Variants in FAM13A observed in about 807,000 individuals in gnomAD.
FAM13A encodes family with sequence similarity 13 member A.
Under a neutral mutation model 129.6 loss-of-function variants are expected in FAM13A, and 76 were observed. The observed-to-expected ratio is 0.59, with a 90% CI of 0.49 to 0.71. FAM13A has a LOEUF of 0.71. Among genes scored for constraint, FAM13A ranks in the 30% least tolerant of loss-of-function variants. The probability of loss-of-function intolerance (pLI) is 0.00; values close to 1 mark genes in which losing one functional copy is unlikely to be tolerated. For synonymous variants in FAM13A, 443 were observed against 449.9 expected (o/e 0.98, Z 0.20); for missense variants, 1,108 against 1,249.3 (o/e 0.89, Z 1.70).
chr4:88,935,471 G>C (rs1219982191), intron 5 of FAM13A, among the ~76,000 whole-genome samples: 3 of 151,986 alleles, frequency 2.0e-5, no homozygotes, highest in African/African-American at 7.2e-5. Context: ...TTATGTCCCT[G>C]TTACTCTTGG....
chr4:89,039,397 G>A (rs1234338486), intron 1 of FAM13A, among the ~76,000 whole-genome samples: 1 of 151,924 alleles, frequency 6.6e-6, no homozygotes, highest in East Asian at 1.9e-4. Context: ...ACACAAACAG[G>A]GAAACCTAAT....
intron 1 of FAM13A, 146 bp from the exon 2 acceptor site, chr4:89,029,795 A>T: frequency 1.4e-6 from 1 of 696,180 alleles, no homozygotes; most frequent in Non-Finnish European, 2.5e-6. Flanking sequence ...AAAATCTCTA[A>T]CATCTCTCAC....
intron 1 of FAM13A, among the ~76,000 whole-genome samples, chr4:89,039,770 G>A (rs371044860): frequency 2.0e-4 from 30 of 152,092 alleles, no homozygotes; most frequent in African/African-American, 7.0e-4. Context: ...GCAACAAAGT[G>A]AGATCCCATC....
At chr4:88,961,394 G>T (rs2148916139) in intron 4 of FAM13A, among the ~76,000 whole-genome samples, 1 of 66,740 alleles carries the variant, frequency 1.5e-5, no homozygotes, top group Non-Finnish European at 2.7e-5. Context: ...TTGAGACTGA[G>T]TCTTGCTCTG....
At chr4:88,837,430 C>A (rs973600053) in intron 7 of FAM13A, among the ~76,000 whole-genome samples, 2 of 151,424 alleles carry the variant, frequency 1.3e-5, no homozygotes, top group Admixed American at 1.3e-4. Context: ...ATATAGTCAG[C>A]CTTTGCCGGG....
intron 14 of FAM13A, 119 bp from the exon 15 acceptor site, chr4:88,750,756 T>C: frequency 1.4e-6 from 1 of 717,502 alleles, no homozygotes; most frequent in South Asian, 1.8e-5. Flanking sequence ...TTGAATCGTT[T>C]CTCATTTTAC....
rs143760825 is a variant in FAM13A at position 89,041,099 on chromosome 4, A to G, written c.28-11450T>C. ...TTAAAAGTGTTATGAGTGTGAGTAT[A>G]AGGGAGATAAAGAGAGGTGTTAATG... On this transcript the variant is annotated intron_variant, in intron 1 of 23. Transcript: ENST00000264344. 3.3e-5 allele frequency among the ~76,000 whole-genome samples: 5 copies of G among 152,322 alleles called. No homozygotes were observed. The East Asian group carries it at 9.7e-4, about 29-fold the overall frequency.
chr4:89,049,827 A>G (rs1426312194), intron 1 of FAM13A, among the ~76,000 whole-genome samples: 5 of 152,132 alleles, frequency 3.3e-5, no homozygotes, highest in African/African-American at 1.2e-4. Context: ...CAGCCAAGAT[A>G]AAATGTTTTA....
At chr4:88,985,336 G>A (rs1164170785) in intron 4 of FAM13A, among the ~76,000 whole-genome samples, 7 of 152,174 alleles carry the variant, frequency 4.6e-5, no homozygotes, top group Admixed American at 4.6e-4. Context: ...TAACAGTACA[G>A]CATTTCTTTT....
intron 11 of FAM13A, among the ~76,000 whole-genome samples, chr4:88,777,661 A>C (rs1443918586): frequency 6.6e-6 from 1 of 151,692 alleles, no homozygotes; most frequent in African/African-American, 2.4e-5. Context: ...TAAAGACACC[A>C]AATCTGTAAG....
At chr4:88,858,758 G>A (rs2085600) in intron 6 of FAM13A, among the ~76,000 whole-genome samples, 29,778 of 152,130 alleles carry the variant, frequency 0.2, 3,450 homozygotes, top group South Asian at 0.47. Context: ...ACTGCAAATG[G>A]GTATGGGGTT....
chr4:88,842,111 T>C (rs1167901664), intron 7 of FAM13A, among the ~76,000 whole-genome samples: 1 of 152,174 alleles, frequency 6.6e-6, no homozygotes, highest in African/African-American at 2.4e-5. Context: ...TGCTACAACA[T>C]GGATGAGCCT....
At chr4:89,055,786 A>C (rs764834296) in intron 1 of FAM13A, among the ~76,000 whole-genome samples, 3 of 152,210 alleles carry the variant, frequency 2.0e-5, no homozygotes, top group Non-Finnish European at 2.9e-5. Flanking sequence ...ACTAAGCCTC[A>C]GAGTTAAAAG....
chr4:88,995,433 C>T (rs1763426498), intron 3 of FAM13A, among the ~76,000 whole-genome samples: 1 of 152,166 alleles, frequency 6.6e-6, no homozygotes, highest in Non-Finnish European at 1.5e-5. Context: ...ATCTAATCAG[C>T]TGCCAGCAGA....
At chr4:88,925,810 A>C (rs1752052006) in intron 5 of FAM13A, among the ~76,000 whole-genome samples, 5 of 151,698 alleles carry the variant, frequency 3.3e-5, no homozygotes, top group Admixed American at 2.6e-4. Flanking sequence ...AGGAAAAAAA[A>C]CCCCAACTTA....
chr4:88,752,987 G>C (rs1742940208), intron 14 of FAM13A, among the ~76,000 whole-genome samples: 1 of 152,202 alleles, frequency 6.6e-6, no homozygotes, highest in Non-Finnish European at 1.5e-5. Context: ...AGCTTTCCTG[G>C]GGACAGAGGG....
At chr4:89,002,412 G>A (rs570330637) in intron 3 of FAM13A, among the ~76,000 whole-genome samples, 10 of 152,238 alleles carry the variant, frequency 6.6e-5, no homozygotes, top group South Asian at 4.2e-4. Context: ...GGACTAGCAC[G>A]AGAAACACAT....
In FAM13A at chr4:88,886,512, C is replaced by G. The variant is rs1214862121; in HGVS notation, c.843+19867G>C. 2.0e-5 allele frequency among the ~76,000 whole-genome samples: 3 copies of G among 152,116 alleles called. No homozygotes were observed. In the East Asian group the frequency reaches 5.8e-4, roughly 29 times the overall value. On this transcript the variant is annotated intron_variant, in intron 6 of 23. Transcript: ENST00000264344. ...CTGAGGCAGGAGAATTGCTTGAACC[C>G]AGGAGGCAGAGGTTGCAGTGAGCCA... is the stretch of plus-strand genomic sequence containing the variant.
At chr4:88,814,669 G>A (rs6532081) in intron 7 of FAM13A, among the ~76,000 whole-genome samples, 77,096 of 151,932 alleles carry the variant, frequency 0.51, 19,804 homozygotes, top group East Asian at 0.66. Flanking sequence ...CCTAGACAGC[G>A]AAATTATTTC....
Sources: gnomAD v4.1 joint callset for allele counts (sites outside exome capture counted in the v4.1 genomes callset) on GRCh38, gnomAD v4.1.1 for gene constraint, MANE v1.5 for transcripts, NCBI Gene and HGNC (gene_info 2026-07-23, HGNC 2026-07-21) for gene names.